VWA8: variants seen among roughly 807,000 people sequenced by gnomAD.
VWA8 encodes von Willebrand factor A domain containing 8, also known as von Willebrand factor A domain-containing protein 8.
VWA8 carries 221 observed loss-of-function variants against 241.5 expected under a neutral mutation model. That is an observed-to-expected ratio of 0.91 (90% confidence interval 0.82 to 1.02). The LOEUF (loss-of-function observed/expected upper bound fraction) is 1.02. VWA8 is among the 50% of genes least tolerant of loss of function. The probability of loss-of-function intolerance (pLI) is 0.00; values close to 1 mark genes in which losing one functional copy is unlikely to be tolerated. For missense variants in VWA8, 2,322 were observed against 2,328.7 expected (o/e 1.00, Z 0.06); for synonymous variants, 852 against 827.1 (o/e 1.03, Z -0.52).
intron 35 of VWA8, among the ~76,000 whole-genome samples, chr13:41,678,266 A>G (rs73466957): frequency 0.034 from 5,247 of 152,282 alleles, 298 homozygotes; most frequent in African/African-American, 0.12. Context: ...ATGGGTAAGA[A>G]AATAGAGTTA....
chr13:41,659,476 C>G (rs927388357), intron 37 of VWA8, among the ~76,000 whole-genome samples: 1 of 152,158 alleles, frequency 6.6e-6, no homozygotes, highest in Non-Finnish European at 1.5e-5. Context: ...TAAGTATTGG[C>G]TATTACTACT....
Position 41,691,356 on chromosome 13 carries a change from T to G in VWA8, c.3830A>C (p.Glu1277Ala). Residue 1277 changes from glutamate to alanine, a missense_variant, in exon 32 of 45, where the codon GAG (glutamate) becomes GCG (alanine). By Grantham distance (107) the Glu-to-Ala change is moderately radical. Coordinates refer to ENST00000379310, the MANE Select transcript of VWA8 (RefSeq NM_015058.2). The part of the protein sequence containing the change: ...INLKTVFLVA[E>A]DKWLLVESKT... ...GCTCTCCACCAGAAGCCATTTGTCC[T>G]CTGCTACAAGGAAAACTGTCTTGAG... 6.2e-7 allele frequency: 1 copy of G among 1,612,696 alleles called. No individual in the cohort carries two copies. The highest frequency in any genetic ancestry group is 8.5e-7 in the Non-Finnish European group (1 of 1,179,004).
At chr13:41,675,787 T>C (rs2045056282) in intron 35 of VWA8, among the ~76,000 whole-genome samples, 1 of 152,038 alleles carries the variant, frequency 6.6e-6, no homozygotes, top group Non-Finnish European at 1.5e-5. Context: ...CACTGTAAAA[T>C]GGGGATAACA....
chr13:41,958,848 A>C (rs1377583724), intron 1 of VWA8, among the ~76,000 whole-genome samples: 2 of 152,262 alleles, frequency 1.3e-5, no homozygotes, highest in Non-Finnish European at 2.9e-5. Flanking sequence ...CATTTGAAGC[A>C]AAGCCTATAC....
intron 1 of VWA8, among the ~76,000 whole-genome samples, chr13:41,950,541 T>C (rs1277777589): frequency 6.7e-6 from 1 of 149,992 alleles, no homozygotes. Flanking sequence ...GCTAGCTTTT[T>C]GTATTTTTAG....
At chr13:41,915,770 G>C (rs747940607) in intron 2 of VWA8, among the ~76,000 whole-genome samples, 1 of 152,162 alleles carries the variant, frequency 6.6e-6, no homozygotes, top group African/African-American at 2.4e-5. Flanking sequence ...TTTTACATAA[G>C]TTTCTTAATA....
At chr13:41,690,428 A>C (rs1393517392) in intron 32 of VWA8, among the ~76,000 whole-genome samples, 153 bp from the exon 33 acceptor site, 1 of 152,134 alleles carries the variant, frequency 6.6e-6, no homozygotes, top group Non-Finnish European at 1.5e-5. Flanking sequence ...TTAACAAATA[A>C]CTTCTCAACA....
At chr13:41,727,337 C>G (rs1229307873) in intron 23 of VWA8, 24 bp from the exon 24 acceptor site, 3 of 1,350,060 alleles carry the variant, frequency 2.2e-6, no homozygotes, top group Non-Finnish European at 1.0e-6. Flanking sequence ...TTTGTTTATT[C>G]TTTATCAATA....
chr13:41,671,318 G>A (rs566492078), intron 36 of VWA8, among the ~76,000 whole-genome samples, 171 bp from the exon 37 acceptor site: 15 of 152,212 alleles, frequency 9.9e-5, no homozygotes, highest in Admixed American at 4.6e-4. Context: ...GATACGCTAT[G>A]AGCAAAAGTT....
At chr13:41,630,820 C>T (rs535470594) in intron 37 of VWA8, among the ~76,000 whole-genome samples, 135 of 152,164 alleles carry the variant, frequency 8.9e-4, no homozygotes, top group Middle Eastern at 6.8e-3. Flanking sequence ...TACATATAGC[C>T]TTGTACATAA....
chr13:41,722,179 T>C (rs796746211), intron 24 of VWA8, among the ~76,000 whole-genome samples: 17 of 152,286 alleles, frequency 1.1e-4, no homozygotes, highest in African/African-American at 3.8e-4. Flanking sequence ...CTTGTGCAGA[T>C]TGATAGAATA....
At chr13:41,641,692 C>T (rs756235066) in intron 37 of VWA8, among the ~76,000 whole-genome samples, 1 of 151,992 alleles carries the variant, frequency 6.6e-6, no homozygotes, top group African/African-American at 2.4e-5. Context: ...TGATGTCTCC[C>T]CTGACAACCA....
At chr13:41,602,999 T>C (rs529201337) in intron 40 of VWA8, among the ~76,000 whole-genome samples, 39 of 152,290 alleles carry the variant, frequency 2.6e-4, no homozygotes, top group African/African-American at 9.4e-4. Context: ...AACTCTTTCT[T>C]GGTATTAGTT....
At chr13:41,740,326 T>C (rs1011356379) in intron 21 of VWA8, among the ~76,000 whole-genome samples, 6 of 152,232 alleles carry the variant, frequency 3.9e-5, no homozygotes, top group Admixed American at 6.5e-5. Context: ...TAGCCCTATG[T>C]CATAGTGATA....
chr13:41,650,274 A>G (rs2044860989), intron 37 of VWA8, among the ~76,000 whole-genome samples: 2 of 152,194 alleles, frequency 1.3e-5, no homozygotes, highest in East Asian at 1.9e-4. Context: ...TAGCTGCTAT[A>G]GTCAGTTCTA....
At chr13:41,792,128 T>G (rs1472946178) in intron 17 of VWA8, among the ~76,000 whole-genome samples, 1 of 151,996 alleles carries the variant, frequency 6.6e-6, no homozygotes, top group Non-Finnish European at 1.5e-5. Context: ...TATTGGTCAT[T>G]TGAATTATTT....
At chr13:41,721,952 CT>C (rs148001965) in intron 24 of VWA8, among the ~76,000 whole-genome samples, 2 of 151,958 alleles carry the variant, frequency 1.3e-5, no homozygotes, top group Non-Finnish European at 2.9e-5. Context: ...TGTATTAGCA[CT>C]TTTTTTAAAA....
At chr13:41,831,244 A>G (rs903753302) in intron 13 of VWA8, among the ~76,000 whole-genome samples, 1 of 152,114 alleles carries the variant, frequency 6.6e-6, no homozygotes, top group Admixed American at 6.5e-5. Context: ...GAGTTAGCCT[A>G]CATAGCCTCC....
In VWA8 at chr13:41,701,356, G is replaced by T. The variant is rs762587963; in HGVS notation, c.3364+36C>A. 4 of 1,500,758 alleles carry T rather than the reference G, an allele frequency of 2.7e-6. No individual in the cohort carries two copies. In the Admixed American group the frequency reaches 9.3e-5, roughly 35 times the overall value. 93.0% of individuals were successfully genotyped at this position (1,500,758 alleles called of 1,614,324 possible). A position where few individuals can be genotyped will look rare whatever the true frequency, so the allele number is the denominator to read the frequency against. ...TAATCCATCTTTTAAAAAAACATGT[G>T]CAGGAAGGAAAGATCAAAAGAATAA... On this transcript the variant is annotated intron_variant, in intron 28 of 44. Transcript: ENST00000379310.
Sources: allele counts gnomAD v4.1 joint callset (sites outside exome capture counted in the v4.1 genomes callset), GRCh38; gene constraint gnomAD v4.1.1; transcripts MANE v1.5; gene names NCBI Gene and HGNC (gene_info 2026-07-23, HGNC 2026-07-21).